The following STEAP3 variants were observed in gnomAD, a reference collection of about 807,000 sequenced individuals.
STEAP3 encodes the protein metalloreductase STEAP3.
STEAP3 carries 35 observed loss-of-function variants against 34.9 expected under a neutral mutation model. That is an observed-to-expected ratio of 1.00 (90% CI 0.76 to 1.33). The LOEUF (loss-of-function observed/expected upper bound fraction) is 1.33, where lower values mean the gene tolerates loss of function less well. Among genes scored for constraint, STEAP3 ranks in the 40% most tolerant of loss-of-function variants. The pLI, the probability that STEAP3 is intolerant of heterozygous loss-of-function variation, is 0.00. For synonymous variants in STEAP3, 281 were observed against 301.6 expected (o/e 0.93, Z 0.71); for missense variants, 652 against 667.6 (o/e 0.98, Z 0.26).
intron 2 of STEAP3, among the ~76,000 whole-genome samples, chr2:119,242,936 G>T (rs967716292): frequency 6.6e-6 from 1 of 152,302 alleles, no homozygotes; most frequent in East Asian, 1.9e-4. Flanking sequence ...TGGGTCAGGA[G>T]GCCCGTTGTC....
intron 1 of STEAP3, among the ~76,000 whole-genome samples, chr2:119,224,847 A>C (rs1678989082): frequency 1.3e-5 from 2 of 152,222 alleles, no homozygotes; most frequent in Admixed American, 1.3e-4. Flanking sequence ...ACAATATCCC[A>C]GTTAATCCTC....
chr2:119,262,124 C>T (rs559788875), intron 5 of STEAP3, among the ~76,000 whole-genome samples: 4 of 152,274 alleles, frequency 2.6e-5, no homozygotes, highest in Admixed American at 2.0e-4. Flanking sequence ...CCACAGGCCC[C>T]GTGAGTCCCC....
intron 2 of STEAP3, chr2:119,239,497 T>G (rs1382985199): frequency 6.6e-6 from 1 of 152,334 alleles, no homozygotes. Context: ...CAAGAATTTA[T>G]GTTTTCACTT....
At chr2:119,226,811 G>A (rs376281112) in intron 1 of STEAP3, among the ~76,000 whole-genome samples, 19 of 152,172 alleles carry the variant, frequency 1.2e-4, no homozygotes, top group African/African-American at 4.1e-4. Context: ...GCCAGCATCC[G>A]GGCCAAACAC....
At chr2:119,233,713 A>G (rs1258155971) in intron 2 of STEAP3, among the ~76,000 whole-genome samples, 1 of 152,184 alleles carries the variant, frequency 6.6e-6, no homozygotes, top group East Asian at 1.9e-4. Flanking sequence ...TGTGCAGCCA[A>G]TGTTAATGTG....
At chr2:119,262,965 T>C (rs1033767631) in intron 5 of STEAP3, 92 bp from the exon 6 acceptor site, 2 of 1,542,794 alleles carry the variant, frequency 1.3e-6, no homozygotes, top group African/African-American at 1.3e-5. Context: ...CCACCCTCCT[T>C]CCCCTCCGCC....
chr2:119,254,087 T>C (rs1433832254), intron 4 of STEAP3, among the ~76,000 whole-genome samples: 2 of 152,010 alleles, frequency 1.3e-5, no homozygotes, highest in Non-Finnish European at 2.9e-5. Flanking sequence ...TTGTATGTCC[T>C]GAGTGTGAGC....
chr2:119,233,746 C>T (rs1179894074), intron 2 of STEAP3, among the ~76,000 whole-genome samples: 1 of 152,192 alleles, frequency 6.6e-6, no homozygotes, highest in African/African-American at 2.4e-5. Context: ...GAGTTAGTCC[C>T]AGAGCGTGAA....
chr2:119,242,547 T>C (rs1677279572), intron 2 of STEAP3, among the ~76,000 whole-genome samples: 1 of 152,002 alleles, frequency 6.6e-6, no homozygotes, highest in African/African-American at 2.4e-5. Context: ...GCTGAAGGGG[T>C]GCCTGCAGGG....
chr2:119,235,963 C>T (rs368681609), intron 2 of STEAP3, among the ~76,000 whole-genome samples: 7 of 152,298 alleles, frequency 4.6e-5, no homozygotes, highest in African/African-American at 1.7e-4. Context: ...CCTACTCTTC[C>T]CTCCACCCCA....
intron 3 of STEAP3, 102 bp downstream of exon 3, chr2:119,246,090 A>T: frequency 7.1e-7 from 1 of 1,418,148 alleles, no homozygotes; most frequent in Non-Finnish European, 9.5e-7. Flanking sequence ...ATCATAACTA[A>T]TCCTGCATCA....
intron 2 of STEAP3, among the ~76,000 whole-genome samples, chr2:119,236,074 C>T (rs1677086865): frequency 6.6e-6 from 1 of 152,198 alleles, no homozygotes; most frequent in South Asian, 2.1e-4. Flanking sequence ...TGGGCATGTA[C>T]CTCCAGGCCA....
intron 2 of STEAP3, among the ~76,000 whole-genome samples, chr2:119,236,180 A>T (rs1677089682): frequency 6.6e-6 from 1 of 152,216 alleles, no homozygotes; most frequent in South Asian, 2.1e-4. Context: ...TTTCTGCTTT[A>T]CCCAGACAAA....
At chr2:119,257,507 T>C in intron 5 of STEAP3, 1 of 1,544,746 alleles carries the variant, frequency 6.5e-7, no homozygotes, top group Admixed American at 2.0e-5. Flanking sequence ...CCCGAAGACC[T>C]GAATCTCAGT....
At position 119,229,396 on chromosome 2, in the gene STEAP3, T is replaced by C. The variant is rs188157513; in HGVS notation, c.-393-1224T>C. 3.8e-3 allele frequency among the ~76,000 whole-genome samples: 577 copies of C among 152,284 alleles called. 6 individuals carry two copies. Among genetic ancestry groups the C allele is most frequent in the African/African-American group, 0.013 (556 of 41,558 alleles). On this transcript the variant is annotated intron_variant, in intron 1 of 5. Coordinates refer to ENST00000393110, the MANE Select transcript of STEAP3 (RefSeq NM_182915.3). ...GGTGGAGGGCACTTAGGTCCCTCCC[T>C]CAGCTGACCATAGAGCACCCAGAGT... is the stretch of plus-strand genomic sequence containing the variant.
In STEAP3 at chr2:119,232,581, G is replaced by A. The variant is rs529882525; in HGVS notation, c.22+1547G>A. Among the ~76,000 whole-genome samples the A allele has an allele frequency of 3.9e-5, 6 of 152,252 alleles. No individual in the cohort carries two copies. The South Asian group carries it at 8.3e-4, about 21-fold the overall frequency. On this transcript the variant is annotated intron_variant, in intron 2 of 5. Coordinates refer to ENST00000393110, the MANE Select transcript of STEAP3 (RefSeq NM_182915.3). ...TCTACATGGGGCAGTCACAGGGTGGGGGACTTCCCTGAAAACTTCTTATTT... is the reference window on the plus strand; with the variant it reads ...TCTACATGGGGCAGTCACAGGGTGGAGGACTTCCCTGAAAACTTCTTATTT...
At chr2:119,243,165 C>T (rs903517324) in intron 2 of STEAP3, among the ~76,000 whole-genome samples, 1 of 152,220 alleles carries the variant, frequency 6.6e-6, no homozygotes, top group Non-Finnish European at 1.5e-5. Context: ...TATCCTGTGA[C>T]AGGCAGGGCC....
chr2:119,249,572 G>A (rs910812637), intron 4 of STEAP3, among the ~76,000 whole-genome samples: 8 of 152,112 alleles, frequency 5.3e-5, no homozygotes, highest in South Asian at 2.1e-4. Flanking sequence ...TCCTGCTCCT[G>A]CTCAGAATGC....
Position 119,230,866 on chromosome 2 carries a change from AC to A in STEAP3, c.-144del. The A allele has an allele frequency of 1.9e-6, 2 of 1,050,234 alleles. No homozygotes were observed. The highest frequency in any genetic ancestry group is 2.9e-6 in the Non-Finnish European group (2 of 692,628). The allele number at this position is 1,050,234 out of a possible 1,614,324, so 65.1% of individuals were successfully genotyped here. On this transcript the variant is annotated 5_prime_UTR_variant, in exon 2 of 6. Coordinates refer to ENST00000393110, the MANE Select transcript of STEAP3 (RefSeq NM_182915.3). Reference sequence around the variant, plus strand: ...TGCGGGAGGCAGCTGGCTGTGCAAGACCCTGGCAGGGCCCTCGCCTCCTGAG... The same window carrying A: ...TGCGGGAGGCAGCTGGCTGTGCAAGACCTGGCAGGGCCCTCGCCTCCTGAG...
Sources: allele counts gnomAD v4.1 joint callset (sites outside exome capture counted in the v4.1 genomes callset), GRCh38; gene constraint gnomAD v4.1.1; transcripts MANE v1.5; gene names NCBI Gene and HGNC (gene_info 2026-07-23, HGNC 2026-07-21).